Variants in COPS4 observed in about 807,000 individuals in gnomAD.
COPS4 encodes the protein COP9 signalosome complex subunit 4.
A neutral mutation model predicts 55.1 loss-of-function variants in COPS4; 8 were observed. The ratio of observed to expected loss-of-function variants is 0.15; its 90% CI spans 0.09 to 0.26. The LOEUF is 0.26. Among genes scored for constraint, COPS4 ranks in the 10% least tolerant of loss-of-function variants. The pLI is 1.00. For missense variants in COPS4, 248 were observed against 484.0 expected, an observed-to-expected ratio of 0.51 and a Z score of 4.58; for synonymous variants, 185 against 165.7, an observed-to-expected ratio of 1.12 and a Z score of -0.90.
In COPS4 at chr4:83,070,498, T is replaced by C. The variant is rs566991782; in HGVS notation, c.1087+1976T>C. On this transcript the variant is annotated intron_variant, in intron 9 of 9. Coordinates refer to ENST00000264389, the MANE Select transcript of COPS4 (RefSeq NM_016129.3). ...TAACCAGCCAGCCATCCCAAAACTGTATTGTTAGCTTTCTCCAATACTCCT... is the reference window on the plus strand; with the variant it reads ...TAACCAGCCAGCCATCCCAAAACTGCATTGTTAGCTTTCTCCAATACTCCT... Among the ~76,000 whole-genome samples the C allele has an allele frequency of 3.7e-4, 57 of 152,304 alleles. 4 individuals are homozygous for C. In the South Asian group the frequency reaches 0.012, roughly 32 times the overall value.
chr4:83,070,470 G>A (rs987840593), intron 9 of COPS4, among the ~76,000 whole-genome samples: 5 of 152,028 alleles, frequency 3.3e-5, no homozygotes, highest in African/African-American at 1.2e-4. Context: ...TGTCCCCCAC[G>A]ACTAACCAGC....
chr4:83,066,855 TG>T (rs1731303832), intron 8 of COPS4, among the ~76,000 whole-genome samples: 1 of 152,236 alleles, frequency 6.6e-6, no homozygotes, highest in African/African-American at 2.4e-5. Flanking sequence ...ACCCATTTTC[TG>T]AGAATGTCTT....
At chr4:83,063,947 C>T (rs1034985150) in intron 7 of COPS4, among the ~76,000 whole-genome samples, 4 of 152,094 alleles carry the variant, frequency 2.6e-5, no homozygotes, top group African/African-American at 7.2e-5. Context: ...TGATTCGCCC[C>T]CCTCAGCCTC....
chr4:83,062,899 A>G, intron 6 of COPS4, 177 bp from the exon 7 acceptor site: 1 of 497,086 alleles, frequency 2.0e-6, no homozygotes, highest in Non-Finnish European at 3.5e-6. Flanking sequence ...TAGGAGCAGC[A>G]GTTTAGTGTT....
At chr4:83,039,267 A>G (rs1022392241) in intron 1 of COPS4, among the ~76,000 whole-genome samples, 1 of 152,114 alleles carries the variant, frequency 6.6e-6, no homozygotes, top group Non-Finnish European at 1.5e-5. Flanking sequence ...CTGGGGCAAT[A>G]TAGTTGACTG....
intron 1 of COPS4, among the ~76,000 whole-genome samples, chr4:83,039,947 T>C (rs1730516571): frequency 6.6e-6 from 1 of 152,180 alleles, no homozygotes; most frequent in African/African-American, 2.4e-5. Flanking sequence ...TGTATCTCTT[T>C]AAATGTTGCC....
chr4:83,053,597 T>C (rs367834989), intron 4 of COPS4, among the ~76,000 whole-genome samples: 1 of 152,032 alleles, frequency 6.6e-6, no homozygotes, highest in East Asian at 1.9e-4. Context: ...TCCCAGCACA[T>C]TGGGAGGCTG....
intron 6 of COPS4, among the ~76,000 whole-genome samples, chr4:83,059,047 G>A (rs1021902025): frequency 3.3e-5 from 5 of 151,638 alleles, no homozygotes; most frequent in South Asian, 4.2e-4. Context: ...AGCATTTTTC[G>A]TATGTTTAAA....
At chr4:83,073,112 A>G (rs1731480412) in intron 9 of COPS4, 1 of 507,800 alleles carries the variant, frequency 2.0e-6, no homozygotes, top group Non-Finnish European at 3.6e-6. Context: ...ATGTTGTACA[A>G]CCTCTATCTC....
chr4:83,050,011 A>G (rs1347712299), intron 4 of COPS4, 27 bp downstream of exon 4: 1 of 1,338,972 alleles, frequency 7.5e-7, no homozygotes, highest in Non-Finnish European at 1.1e-6. Context: ...ATATTGGATG[A>G]CTATATATAG....
intron 4 of COPS4, among the ~76,000 whole-genome samples, chr4:83,055,824 A>T (rs142730034): frequency 2.2e-4 from 33 of 152,272 alleles, no homozygotes; most frequent in African/African-American, 7.7e-4. Context: ...CCTAGCATAG[A>T]TATTTATAAA....
intron 8 of COPS4, 73 bp downstream of exon 8, chr4:83,066,626 T>C (rs1731299916): frequency 2.8e-6 from 2 of 715,232 alleles, no homozygotes; most frequent in East Asian, 3.0e-5. Flanking sequence ...GAAAATAAAA[T>C]AAATGTTGGA....
intron 1 of COPS4, among the ~76,000 whole-genome samples, chr4:83,039,113 G>GGTAGT (rs1286191837): frequency 2.0e-5 from 3 of 152,148 alleles, no homozygotes; most frequent in African/African-American, 4.8e-5. Context: ...TCTGTAGGTT[G>GGTAGT]GTAGTTTGGA....
chr4:83,062,755 A>G (rs998504465), intron 6 of COPS4, among the ~76,000 whole-genome samples: 1 of 152,230 alleles, frequency 6.6e-6, no homozygotes, highest in Admixed American at 6.5e-5. Context: ...TGTGAGTTCA[A>G]TGTTAATGAA....
intron 5 of COPS4, 29 bp from the exon 6 acceptor site, chr4:83,057,229 C>G: frequency 6.4e-7 from 1 of 1,557,962 alleles, no homozygotes; most frequent in Non-Finnish European, 8.7e-7. Context: ...TTAATTTGTC[C>G]CCTAATTGAA....
In COPS4 at chr4:83,075,495, T is replaced by G; in HGVS notation, c.*65T>G. The G allele has an allele frequency of 6.4e-7, 1 of 1,574,768 alleles. No homozygotes were observed. Among genetic ancestry groups the G allele is most frequent in the Non-Finnish European group, 8.7e-7 (1 of 1,151,226 alleles). ...TGTTGTGCAGATCAGTTTCACTATC[T>G]CCAAAGCATTTGCATCATGACCTTA... On this transcript the variant is annotated 3_prime_UTR_variant, in exon 10 of 10. Coordinates refer to ENST00000264389, the MANE Select transcript of COPS4 (RefSeq NM_016129.3).
chr4:83,050,036 C>A, intron 4 of COPS4, 52 bp downstream of exon 4: 2 of 1,061,930 alleles, frequency 1.9e-6, no homozygotes, highest in Non-Finnish European at 2.8e-6. Context: ...TATATAATTG[C>A]TCACTTATAT....
Position 83,068,427 on chromosome 4 carries a change from T to C in COPS4, c.1003-11T>C, listed in dbSNP as rs746085475. 31 of 1,584,038 alleles carry C rather than the reference T, an allele frequency of 2.0e-5. No homozygotes were observed. The highest frequency in any genetic ancestry group is 2.5e-5 in the Non-Finnish European group (29 of 1,156,810). On this transcript the variant is annotated splice_polypyrimidine_tract_variant and intron_variant, in intron 8 of 9. Coordinates refer to ENST00000264389, the MANE Select transcript of COPS4 (RefSeq NM_016129.3). ...GATAAAGTTTCTGAGAGTTTTTTTT[T>C]CCCCCAATAGGCGGAAAAGATAGCA... is the stretch of plus-strand genomic sequence containing the variant.
At chr4:83,070,856 T>C (rs916345401) in intron 9 of COPS4, among the ~76,000 whole-genome samples, 2 of 152,262 alleles carry the variant, frequency 1.3e-5, no homozygotes, top group Non-Finnish European at 2.9e-5. Context: ...CCCCATTGCT[T>C]GTAGAACAAA....
Sources: gnomAD v4.1 joint callset for allele counts (sites outside exome capture counted in the v4.1 genomes callset) on GRCh38, gnomAD v4.1.1 for gene constraint, MANE v1.5 for transcripts, NCBI Gene and HGNC (gene_info 2026-07-23, HGNC 2026-07-21) for gene names.